Variants in CNTNAP2 observed in about 807,000 individuals in gnomAD.
CNTNAP2 encodes the protein contactin-associated protein-like 2.
A neutral mutation model predicts 155.2 loss-of-function variants in CNTNAP2; 98 were observed. The observed-to-expected ratio is 0.63, with a 90% CI of 0.54 to 0.75. The LOEUF is 0.75. Ranked by LOEUF, CNTNAP2 falls within the 30% of genes least tolerant of loss-of-function variation. The pLI, the probability that CNTNAP2 is intolerant of heterozygous loss-of-function variation, is 0.00. For missense variants in CNTNAP2, 1,727 were observed against 1,688.1 expected, an observed-to-expected ratio of 1.02 and a Z score of -0.40; for synonymous variants, 651 against 631.2, an observed-to-expected ratio of 1.03 and a Z score of -0.47.
At chr7:146,665,755 T>C (rs1049984389) in intron 1 of CNTNAP2, among the ~76,000 whole-genome samples, 5 of 113,412 alleles carry the variant, frequency 4.4e-5, no homozygotes, top group Non-Finnish European at 8.1e-5. Context: ...CACTCCAGCC[T>C]GGGCTATGGA....
intron 3 of CNTNAP2, among the ~76,000 whole-genome samples, chr7:147,042,821 A>G (rs1010758485): frequency 7.2e-5 from 11 of 152,156 alleles, no homozygotes; most frequent in African/African-American, 1.9e-4. Flanking sequence ...AGATAAGGCT[A>G]AAACCTCAAG....
At chr7:146,202,650 A>G (rs1798883480) in intron 1 of CNTNAP2, among the ~76,000 whole-genome samples, 1 of 152,170 alleles carries the variant, frequency 6.6e-6, no homozygotes, top group Non-Finnish European at 1.5e-5. Flanking sequence ...AATGTCTACT[A>G]GATGAAATGC....
chr7:148,094,089 C>T (rs963540354), intron 15 of CNTNAP2, among the ~76,000 whole-genome samples: 1 of 152,142 alleles, frequency 6.6e-6, no homozygotes, highest in Admixed American at 6.5e-5. Context: ...TAAAACTAGG[C>T]AGTGGAGAAA....
chr7:146,416,000 G>GAT (rs552032036), intron 1 of CNTNAP2, among the ~76,000 whole-genome samples: 3 of 151,662 alleles, frequency 2.0e-5, no homozygotes, highest in Non-Finnish European at 4.4e-5. Flanking sequence ...TAAATTAAAG[G>GAT]ATATATATTC....
intron 17 of CNTNAP2, among the ~76,000 whole-genome samples, chr7:148,156,239 TTTTTG>T (rs1180056075): frequency 6.6e-6 from 1 of 152,182 alleles, no homozygotes; most frequent in Non-Finnish European, 1.5e-5. Flanking sequence ...TAATGTTTTG[TTTTTG>T]TTTTGTTTTG....
chr7:146,854,494 C>G (rs73740892), intron 3 of CNTNAP2, among the ~76,000 whole-genome samples: 3,064 of 152,188 alleles, frequency 0.02, 93 homozygotes, highest in African/African-American at 0.068. Flanking sequence ...TGGAATAGCT[C>G]TCTAGTACCA....
intron 1 of CNTNAP2, among the ~76,000 whole-genome samples, chr7:146,637,124 G>C (rs958745598): frequency 2.6e-5 from 4 of 152,178 alleles, no homozygotes; most frequent in African/African-American, 4.8e-5. Context: ...AAATTTTGCT[G>C]AGTGGCTTAC....
At chr7:148,331,449 ATG>A in intron 21 of CNTNAP2, among the ~76,000 whole-genome samples, 1 of 122,998 alleles carries the variant, frequency 8.1e-6, no homozygotes, top group East Asian at 3.0e-4. Flanking sequence ...TATGGAATGG[ATG>A]GATGGATGGA....
intron 21 of CNTNAP2, among the ~76,000 whole-genome samples, chr7:148,344,919 A>T (rs1174270854): frequency 2.0e-5 from 3 of 152,218 alleles, no homozygotes; most frequent in Admixed American, 2.0e-4. Flanking sequence ...AAGGAGACCT[A>T]AGAGGGCAGC....
chr7:146,651,321 C>A (rs1430923860), intron 1 of CNTNAP2, among the ~76,000 whole-genome samples: 2 of 152,112 alleles, frequency 1.3e-5, no homozygotes, highest in Admixed American at 6.6e-5. Context: ...AATAAACAAA[C>A]CCTTAACAGG....
At chr7:146,119,645 G>T (rs1260461311) in intron 1 of CNTNAP2, among the ~76,000 whole-genome samples, 2 of 152,062 alleles carry the variant, frequency 1.3e-5, no homozygotes, top group Non-Finnish European at 2.9e-5. Context: ...TGATGGTGCA[G>T]TTCTAAATGA....
Position 146,759,460 on chromosome 7 carries a change from C to T in CNTNAP2, c.98-14811C>T, listed in dbSNP as rs191306882. 2.2e-4 allele frequency among the ~76,000 whole-genome samples: 34 copies of T among 151,906 alleles called. No homozygotes were observed. In the East Asian group the frequency reaches 3.3e-3, roughly 15 times the overall value. On this transcript the variant is annotated intron_variant, in intron 1 of 23. Transcript: ENST00000361727. ...CTGTAATCCCAACACTTTGGGAGGC[C>T]GAGATGGGCAGATCGCCAGGTCAGA... is the stretch of plus-strand genomic sequence containing the variant.
At chr7:147,584,164 T>C (rs1022979285) in intron 12 of CNTNAP2, among the ~76,000 whole-genome samples, 10 of 152,190 alleles carry the variant, frequency 6.6e-5, no homozygotes, top group Non-Finnish European at 1.2e-4. Flanking sequence ...ATGTTTTCCT[T>C]TTCAAGTATG....
At chr7:148,085,725 CTCCTTCCTTCCT>C (rs1207709083) in intron 15 of CNTNAP2, among the ~76,000 whole-genome samples, 1 of 137,738 alleles carries the variant, frequency 7.3e-6, no homozygotes, top group East Asian at 2.1e-4. Flanking sequence ...CCTTCCTTCC[CTCCTTCCTTCCT>C]GTCAGTCTGT....
chr7:148,151,348 C>T (rs1805291884), intron 17 of CNTNAP2, among the ~76,000 whole-genome samples: 1 of 152,070 alleles, frequency 6.6e-6, no homozygotes, highest in Admixed American at 6.6e-5. Context: ...CTCTGTCATC[C>T]AGGCTGGAGT....
In CNTNAP2 at chr7:147,889,507, A is replaced by C. The variant is rs551854209; in HGVS notation, c.2099-14058A>C. 4.6e-5 allele frequency among the ~76,000 whole-genome samples: 7 copies of C among 152,314 alleles called. No individual in the cohort carries two copies. The South Asian group carries it at 1.4e-3, about 32-fold the overall frequency. ...ATACGAATGCAAATGAAAGAGAAAAAAAAATTACAATTCAGAGCATTACAA... is the reference window on the plus strand; with the variant it reads ...ATACGAATGCAAATGAAAGAGAAAACAAAATTACAATTCAGAGCATTACAA... On this transcript the variant is annotated intron_variant, in intron 13 of 23. Coordinates refer to ENST00000361727, the MANE Select transcript of CNTNAP2 (RefSeq NM_014141.6).
intron 21 of CNTNAP2, among the ~76,000 whole-genome samples, chr7:148,270,140 A>G (rs914446690): frequency 1.3e-5 from 2 of 152,302 alleles, no homozygotes; most frequent in Middle Eastern, 6.8e-3. Flanking sequence ...CAATTCCAAT[A>G]TACTGTATGG....
At chr7:146,766,284 G>A (rs1489953133) in intron 1 of CNTNAP2, among the ~76,000 whole-genome samples, 2 of 152,120 alleles carry the variant, frequency 1.3e-5, no homozygotes, top group Non-Finnish European at 2.9e-5. Context: ...GGGTTTCTCT[G>A]AGAACATCTA....
intron 10 of CNTNAP2, among the ~76,000 whole-genome samples, chr7:147,448,148 A>G (rs756916696): frequency 6.6e-6 from 1 of 152,144 alleles, no homozygotes; most frequent in African/African-American, 2.4e-5. Flanking sequence ...CTTGCAAATG[A>G]AAAGTGATAT....
Sources: gnomAD v4.1 joint callset for allele counts (sites outside exome capture counted in the v4.1 genomes callset) on GRCh38, gnomAD v4.1.1 for gene constraint, MANE v1.5 for transcripts, NCBI Gene and HGNC (gene_info 2026-07-23, HGNC 2026-07-21) for gene names.